Variants in CPAMD8 observed in about 807,000 individuals in gnomAD.
CPAMD8 encodes C3 and PZP like alpha-2-macroglobulin domain containing 8.
In CPAMD8, 146 loss-of-function variants were observed where a neutral mutation model predicts 224.7. The observed-to-expected ratio is 0.65, with a 90% confidence interval of 0.57 to 0.75. CPAMD8 has a LOEUF of 0.75. CPAMD8 is among the 30% of genes least tolerant of loss of function. The probability of loss-of-function intolerance (pLI) is 0.00; values close to 1 mark genes in which losing one functional copy is unlikely to be tolerated. For synonymous variants in CPAMD8, 966 were observed against 1,044.6 expected, an observed-to-expected ratio of 0.92 and a Z score of 1.45; for missense variants, 2,301 against 2,537.5, an observed-to-expected ratio of 0.91 and a Z score of 2.00.
chr19:16,914,509 A>C lies in CPAMD8; in HGVS notation c.3787-11T>G, dbSNP rs771630512. Reference sequence around the variant, plus strand: ...GCCGTGGATCCCACCCTGCAAGGGGACTCACAGGCCTCACCCTAAGCCAAA... The same window carrying C: ...GCCGTGGATCCCACCCTGCAAGGGGCCTCACAGGCCTCACCCTAAGCCAAA... On this transcript the variant is annotated splice_polypyrimidine_tract_variant and intron_variant, in intron 28 of 41. Coordinates refer to ENST00000443236, the MANE Select transcript of CPAMD8 (RefSeq NM_015692.5). 5.0e-6 allele frequency: 8 copies of C among 1,613,486 alleles called. No individual in the cohort carries two copies. Among genetic ancestry groups the C allele is most frequent in the Non-Finnish European group, 6.8e-6 (8 of 1,179,592 alleles).
chr19:16,996,247 C>T (rs915462297), intron 11 of CPAMD8, among the ~76,000 whole-genome samples: 3 of 150,588 alleles, frequency 2.0e-5, no homozygotes, highest in Non-Finnish European at 3.0e-5. Context: ...CTGAGGCAGG[C>T]GGATTGCTTG....
chr19:16,968,265 G>A (rs568862553), intron 18 of CPAMD8, among the ~76,000 whole-genome samples: 9 of 152,200 alleles, frequency 5.9e-5, no homozygotes, highest in African/African-American at 1.4e-4. Context: ...CCAATTCCCC[G>A]ATTAGGAGTT....
At chr19:16,988,416 G>A (rs2055820920) in intron 13 of CPAMD8, among the ~76,000 whole-genome samples, 1 of 152,148 alleles carries the variant, frequency 6.6e-6, no homozygotes, top group Admixed American at 6.5e-5. Context: ...TTCAAGACCA[G>A]CCTGGCCAAC....
intron 29 of CPAMD8, among the ~76,000 whole-genome samples, chr19:16,909,852 G>A (rs17502530): frequency 0.18 from 26,668 of 152,076 alleles, 2,640 homozygotes; most frequent in Non-Finnish European, 0.22. Context: ...TGATCGGCAC[G>A]GGAGTTTTTG....
At position 17,022,160 on chromosome 19, in the gene CPAMD8, G is replaced by A; in HGVS notation, c.114C>T (p.Pro38=). The change falls in exon 2 of 42, where the codon CCC becomes CCT. Residue 38 remains proline, a synonymous_variant. Coordinates refer to ENST00000443236, the MANE Select transcript of CPAMD8 (RefSeq NM_015692.5). ...CCTCCACGCCCGCGCGAAAAACAGA[G>A]GGAGCTGCAATCAAGTAACCCCTGC... ...PQAPGYLIAA[P]SVFRAGVEEV... The A allele has an allele frequency of 6.2e-7, 1 of 1,610,340 alleles. No homozygotes were observed. Among genetic ancestry groups the A allele is most frequent in the Non-Finnish European group, 8.5e-7 (1 of 1,178,118 alleles).
In CPAMD8 at chr19:16,896,065, C is replaced by A. The variant is rs775057531; in HGVS notation, c.5426+111G>T. ...GTCACTCCCACTGCCAGTGGGGGGT[C>A]GGGGCGGGGCGGAGGAGTCGGGGCA... On this transcript the variant is annotated intron_variant, in intron 41 of 41. Transcript: ENST00000443236. 9.7e-6 allele frequency: 9 copies of A among 927,226 alleles called. No individual in the cohort carries two copies. The African/African-American group carries it at 2.6e-4, about 27-fold the overall frequency. The allele number at this position is 927,226 out of a possible 1,614,324, so 57.4% of individuals were successfully genotyped here. A position where few individuals can be genotyped will look rare whatever the true frequency, so the allele number is the denominator to read the frequency against.
chr19:17,004,438 AGG>A, intron 7 of CPAMD8, 52 bp from the exon 8 acceptor site: 1 of 1,210,796 alleles, frequency 8.3e-7, no homozygotes, highest in South Asian at 1.2e-5. Flanking sequence ...AGACACGGTG[AGG>A]TACGGGAAGA....
intron 17 of CPAMD8, among the ~76,000 whole-genome samples, chr19:16,971,582 G>T (rs111619326): frequency 0.021 from 3,261 of 152,222 alleles, 145 homozygotes; most frequent in African/African-American, 0.075. Flanking sequence ...GACTGCCAGG[G>T]GCTGAGGGAG....
Position 16,896,500 on chromosome 19 carries a change from T to TGGCGGCAGGCGGCCTCCCGCA in CPAMD8, c.5210_5230dup (p.Leu1737_Arg1743dup), listed in dbSNP as rs1165810306. The TGGCGGCAGGCGGCCTCCCGCA allele has an allele frequency of 3.5e-6, 5 of 1,427,812 alleles. No homozygotes were observed. Among genetic ancestry groups the TGGCGGCAGGCGGCCTCCCGCA allele is most frequent in the Admixed American group, 3.1e-5 (1 of 32,744 alleles). 88.4% of individuals were successfully genotyped at this position (1,427,812 alleles called of 1,614,324 possible). ...AGGCGCGGGCTCCAGGGGCGCGGCC[T>TGGCGGCAGGCGGCCTCCCGCA]GGCGGCAGGCGGCCTCCCGCAGGCG... On this transcript the variant is annotated inframe_insertion, in exon 40 of 42. Coordinates refer to ENST00000443236, the MANE Select transcript of CPAMD8 (RefSeq NM_015692.5).
intron 23 of CPAMD8, among the ~76,000 whole-genome samples, chr19:16,932,591 T>G (rs972774956): frequency 1.3e-5 from 2 of 152,076 alleles, no homozygotes; most frequent in African/African-American, 4.8e-5. Context: ...ATAAACTAGA[T>G]GAAGTAGAAG....
chr19:16,994,793 C>T (rs1197486150), intron 11 of CPAMD8, among the ~76,000 whole-genome samples: 1 of 152,050 alleles, frequency 6.6e-6, no homozygotes, highest in African/African-American at 2.4e-5. Flanking sequence ...GTGTGAGCCA[C>T]AAACGTCTGG....
chr19:17,025,284 C>G (rs751002309), intron 1 of CPAMD8, among the ~76,000 whole-genome samples: 1 of 152,054 alleles, frequency 6.6e-6, no homozygotes, highest in African/African-American at 2.4e-5. Context: ...TGGTGGCACA[C>G]GCCTGTAATC....
At position 16,893,217 on chromosome 19, in the gene CPAMD8, A is replaced by AC; in HGVS notation, c.5548dup (p.Val1850GlyfsTer74). 1 of 1,591,010 alleles carries AC rather than the reference A, an allele frequency of 6.3e-7. No homozygotes were observed. Among genetic ancestry groups the AC allele is most frequent in the African/African-American group, 1.3e-5 (1 of 74,430 alleles). On this transcript the variant is annotated frameshift_variant, in exon 42 of 42. Transcript: ENST00000443236. LOFTEE classifies it low-confidence loss of function (END_TRUNC). ...CAGAAGCCCTGGCCTGTGGGCCCCC[A>AC]CCACCCGGCCACTATGTCTCTGAGG...
In CPAMD8 at chr19:16,989,727, G is replaced by C. The variant is rs1231962961; in HGVS notation, c.1311C>G (p.Tyr437Ter). Residue 437 changes from tyrosine to a stop codon, truncating the protein, a stop_gained, in exon 13 of 42, where the codon TAC (tyrosine) becomes TAG (stop). Coordinates refer to ENST00000443236, the MANE Select transcript of CPAMD8 (RefSeq NM_015692.5). LOFTEE classifies it high-confidence loss of function. ...ALNGKPVGAQ[Y>*]LPSYLSLGSW... ...TGCCGAGGGAGAGGTAGCTGGGCAG[G>C]TACTGAGCCCCCACAGGCTTCCCGT... 5.0e-6 allele frequency: 8 copies of C among 1,613,972 alleles called. No homozygotes were observed. The highest frequency in any genetic ancestry group is 6.8e-6 in the Non-Finnish European group (8 of 1,179,906).
intron 15 of CPAMD8, among the ~76,000 whole-genome samples, chr19:16,977,080 G>T (rs948963319): frequency 6.6e-6 from 1 of 151,656 alleles, no homozygotes; most frequent in African/African-American, 2.4e-5. Flanking sequence ...TGCAGGGAGG[G>T]GGAGAGGAGG....
At chr19:16,977,670 T>C in intron 14 of CPAMD8, 130 bp from the exon 15 acceptor site, 1 of 642,580 alleles carries the variant, frequency 1.6e-6, no homozygotes, top group Non-Finnish European at 2.6e-6. Context: ...TCTGCATCTT[T>C]GGTTTTGAGA....
chr19:16,976,610 G>T (rs772600227), intron 15 of CPAMD8, among the ~76,000 whole-genome samples: 1 of 151,996 alleles, frequency 6.6e-6, no homozygotes, highest in Admixed American at 6.5e-5. Context: ...ACCTGGCCTC[G>T]CTACCTGGGT....
At chr19:17,009,607 T>C in intron 5 of CPAMD8, 1 of 263,378 alleles carries the variant, frequency 3.8e-6, no homozygotes, top group Non-Finnish European at 7.4e-6. Context: ...ATCCCGTCTC[T>C]ACAAAAAATA....
intron 41 of CPAMD8, chr19:16,895,903 G>GCACACA (rs57280906): frequency 1.3e-4 from 70 of 524,798 alleles, no homozygotes; most frequent in Middle Eastern, 4.7e-4. Flanking sequence ...GCGCGCGCAC[G>GCACACA]CACACACACA....
Sources: allele counts gnomAD v4.1 joint callset (sites outside exome capture counted in the v4.1 genomes callset), GRCh38; gene constraint gnomAD v4.1.1; transcripts MANE v1.5; gene names NCBI Gene and HGNC (gene_info 2026-07-23, HGNC 2026-07-21).